Variants in SLC44A1 observed in about 807,000 individuals in gnomAD.
The protein encoded by SLC44A1 is solute carrier family 44 member 1.
SLC44A1 carries 26 observed loss-of-function variants against 79.3 expected under a neutral mutation model. That is an observed-to-expected ratio of 0.33 (90% CI 0.24 to 0.46). The LOEUF is 0.46. Among genes scored for constraint, SLC44A1 ranks in the 20% least tolerant of loss-of-function variants. The pLI, the probability that SLC44A1 is intolerant of heterozygous loss-of-function variation, is 1.00. For synonymous variants in SLC44A1, 263 were observed against 286.2 expected (o/e 0.92, Z 0.82); for missense variants, 688 against 798.1 (o/e 0.86, Z 1.66).
chr9:105,326,680 A>G (rs1826587934), intron 3 of SLC44A1, among the ~76,000 whole-genome samples: 2 of 152,348 alleles, frequency 1.3e-5, no homozygotes, highest in East Asian at 1.9e-4. Flanking sequence ...ATGGATTTGC[A>G]CATCAGATTT....
At chr9:105,296,437 G>A (rs938194092) in intron 1 of SLC44A1, among the ~76,000 whole-genome samples, 1 of 152,164 alleles carries the variant, frequency 6.6e-6, no homozygotes, top group Non-Finnish European at 1.5e-5. Flanking sequence ...ATCTCTGTAT[G>A]TTATAGATGA....
intron 1 of SLC44A1, among the ~76,000 whole-genome samples, chr9:105,297,446 C>T (rs1588748775): frequency 2.6e-5 from 4 of 152,102 alleles, no homozygotes; most frequent in South Asian, 2.1e-4. Flanking sequence ...TGCAATGGCG[C>T]GATTTTGGCT....
chr9:105,254,032 T>G (rs1160349066), intron 1 of SLC44A1, among the ~76,000 whole-genome samples: 1 of 151,404 alleles, frequency 6.6e-6, no homozygotes, highest in Non-Finnish European at 1.5e-5. Context: ...AGACCCTGTC[T>G]TAAACAAAGA....
intron 3 of SLC44A1, among the ~76,000 whole-genome samples, chr9:105,318,298 A>G (rs1273222287): frequency 6.6e-6 from 1 of 152,126 alleles, no homozygotes; most frequent in East Asian, 1.9e-4. Flanking sequence ...CTCCTGCCTT[A>G]GCCTCCCAAG....
chr9:105,416,779 A>G (rs1024693538), intron 15 of SLC44A1, among the ~76,000 whole-genome samples: 2 of 152,202 alleles, frequency 1.3e-5, no homozygotes, highest in Non-Finnish European at 2.9e-5. Context: ...GTGGTGAATA[A>G]CCACAGAATA....
chr9:105,397,222 G>C lies in SLC44A1; in HGVS notation c.*8166G>C, dbSNP rs888238265. 47 of 985,214 alleles carry C rather than the reference G, an allele frequency of 4.8e-5. No homozygotes were observed. Among genetic ancestry groups the C allele is most frequent in the Non-Finnish European group, 5.4e-5 (45 of 829,898 alleles). 61.0% of individuals were successfully genotyped at this position (985,214 alleles called of 1,614,324 possible). ...AGAAATACGAACTAGAAAGAAAAGTGCTGATCTAATGCTAAGTTTTCTCTG... is the reference window on the plus strand; with the variant it reads ...AGAAATACGAACTAGAAAGAAAAGTCCTGATCTAATGCTAAGTTTTCTCTG... On this transcript the variant is annotated 3_prime_UTR_variant, in exon 16 of 16. Transcript: ENST00000374720.
chr9:105,430,728 G>A (rs1262381128), intron 15 of SLC44A1, among the ~76,000 whole-genome samples: 1 of 152,168 alleles, frequency 6.6e-6, no homozygotes, highest in South Asian at 2.1e-4. Context: ...ATGCTGCTAT[G>A]AGCATTCGTA....
chr9:105,293,674 C>T (rs759102388), intron 1 of SLC44A1, among the ~76,000 whole-genome samples: 1 of 152,178 alleles, frequency 6.6e-6, no homozygotes, highest in African/African-American at 2.4e-5. Context: ...CTAATTTGAC[C>T]TAATTGTTTA....
At position 105,356,192 on chromosome 9, in the gene SLC44A1, T is replaced by G. The variant is rs1314862997; in HGVS notation, c.501-20T>G. On this transcript the variant is annotated intron_variant, in intron 5 of 15. Coordinates refer to ENST00000374720, the MANE Select transcript of SLC44A1 (RefSeq NM_080546.5). Reference sequence around the variant, plus strand: ...AGTAGGAGTAATTTTTTTTCTGATTTTTTTTTCTTGTGTCACCAGTGCACC... The same window carrying G: ...AGTAGGAGTAATTTTTTTTCTGATTGTTTTTTCTTGTGTCACCAGTGCACC... 6.2e-7 allele frequency: 1 copy of G among 1,602,572 alleles called. No individual in the cohort carries two copies. The highest frequency in any genetic ancestry group is 8.5e-7 in the Non-Finnish European group (1 of 1,175,618).
chr9:105,355,698 T>G (rs1175315535), intron 5 of SLC44A1, among the ~76,000 whole-genome samples: 3 of 152,250 alleles, frequency 2.0e-5, no homozygotes, highest in African/African-American at 7.2e-5. Context: ...TGTAAACACC[T>G]TTATTAATCT....
chr9:105,312,298 C>A (rs1375787895), intron 3 of SLC44A1, among the ~76,000 whole-genome samples: 1 of 152,124 alleles, frequency 6.6e-6, no homozygotes, highest in Non-Finnish European at 1.5e-5. Flanking sequence ...CCAGAGAGGT[C>A]TTTTTGTTCT....
At chr9:105,421,699 T>A (rs1368431058) in intron 15 of SLC44A1, among the ~76,000 whole-genome samples, 1 of 151,642 alleles carries the variant, frequency 6.6e-6, no homozygotes, top group African/African-American at 2.4e-5. Flanking sequence ...GCCATTCTCC[T>A]GCCTCAGCCT....
chr9:105,271,424 G>GA (rs1400947607), intron 1 of SLC44A1, among the ~76,000 whole-genome samples: 1 of 152,114 alleles, frequency 6.6e-6, no homozygotes, highest in African/African-American at 2.4e-5. Flanking sequence ...AAAAGGAATG[G>GA]AATTTGGTCT....
At chr9:105,298,013 AT>A (rs1396991593) in intron 1 of SLC44A1, among the ~76,000 whole-genome samples, 2 of 151,942 alleles carry the variant, frequency 1.3e-5, no homozygotes, top group East Asian at 3.9e-4. Flanking sequence ...AGACTCGGGC[AT>A]TTTTGTTCAT....
chr9:105,263,324 T>G (rs1829883457), intron 1 of SLC44A1, among the ~76,000 whole-genome samples: 1 of 152,160 alleles, frequency 6.6e-6, no homozygotes, highest in African/African-American at 2.4e-5. Context: ...TCTGCACCCA[T>G]TAGCCAAACA....
chr9:105,438,470 C>T, exon 16 of SLC44A1: 1 of 550,334 alleles, frequency 1.8e-6, no homozygotes, highest in Non-Finnish European at 3.3e-6. Context: ...TACAGTGCGG[C>T]TGTCTAATAA....
intron 15 of SLC44A1, among the ~76,000 whole-genome samples, chr9:105,404,079 C>A (rs2812315): frequency 0.018 from 2,785 of 151,548 alleles, 44 homozygotes; most frequent in Non-Finnish European, 0.028. Context: ...TGTAAATATA[C>A]CATGTGATTC....
intron 4 of SLC44A1, among the ~76,000 whole-genome samples, chr9:105,337,626 G>A (rs578099609): frequency 1.7e-4 from 26 of 152,082 alleles, no homozygotes; most frequent in Non-Finnish European, 3.7e-4. Flanking sequence ...AAAAATAAAA[G>A]TCTGTATGTC....
At chr9:105,372,651 G>A (rs1828141190) in intron 12 of SLC44A1, among the ~76,000 whole-genome samples, 1 of 151,206 alleles carries the variant, frequency 6.6e-6, no homozygotes, top group Admixed American at 6.6e-5. Flanking sequence ...ACTGAAAAAA[G>A]CTTAAGAACC....
Sources: gnomAD v4.1 joint callset for allele counts (sites outside exome capture counted in the v4.1 genomes callset) on GRCh38, gnomAD v4.1.1 for gene constraint, MANE v1.5 for transcripts, NCBI Gene and HGNC (gene_info 2026-07-23, HGNC 2026-07-21) for gene names.